ACKR4: variants seen among roughly 807,000 people sequenced by gnomAD.
ACKR4 encodes the protein C-C CKR-11.
In ACKR4, 2 loss-of-function variants were observed where a neutral mutation model predicts 8.5. The observed-to-expected ratio is 0.23, with a 90% CI of 0.10 to 0.74. The LOEUF is 0.74. ACKR4 is among the 30% of genes least tolerant of loss of function. The pLI is 0.75. For missense variants in ACKR4, 167 were observed against 422.1 expected (o/e 0.40, Z 5.30); for synonymous variants, 67 against 145.0 (o/e 0.46, Z 3.86).
At chr3:132,599,800 T>C (rs1271064392) in intron 1 of ACKR4, among the ~76,000 whole-genome samples, 5 of 152,172 alleles carry the variant, frequency 3.3e-5, no homozygotes, top group African/African-American at 9.6e-5. Context: ...TGGAGGGAAG[T>C]TGGCTAAAGG....
chr3:132,597,584 C>T (rs1448776607), intron 1 of ACKR4, among the ~76,000 whole-genome samples: 1 of 151,844 alleles, frequency 6.6e-6, no homozygotes, highest in East Asian at 1.9e-4. Context: ...TTTTATTATA[C>T]CACTTTTTTT....
chr3:132,599,924 T>TG (rs1938493281), intron 1 of ACKR4, among the ~76,000 whole-genome samples: 1 of 152,186 alleles, frequency 6.6e-6, no homozygotes, highest in Non-Finnish European at 1.5e-5. Flanking sequence ...ATAAATTTAA[T>TG]TTAAATAAAC....
At position 132,600,795 on chromosome 3, in the gene ACKR4, T is replaced by C; in HGVS notation, c.398T>C (p.Ile133Thr). Residue 133 changes from isoleucine to threonine, a missense_variant, in exon 2 of 2, where the codon ATC becomes ACC. By Grantham distance (89) the Ile-to-Thr change is moderately conservative. Coordinates refer to ENST00000249887, the MANE Select transcript of ACKR4 (RefSeq NM_016557.4). Reference protein sequence around the residue: ...FVSGMQFLACISIDRYVAVTK... With the variant: ...FVSGMQFLACTSIDRYVAVTK... ...TCTGGAATGCAGTTTCTGGCTTGTA[T>C]CAGCATAGACAGATATGTGGCAGTA... is the stretch of plus-strand genomic sequence containing the variant. 1 of 1,614,036 alleles carries C rather than the reference T, an allele frequency of 6.2e-7. No homozygotes were observed. Among genetic ancestry groups the C allele is most frequent in the Non-Finnish European group, 8.5e-7 (1 of 1,179,866 alleles).
At chr3:132,599,155 A>G (rs560434213) in intron 1 of ACKR4, among the ~76,000 whole-genome samples, 1 of 152,258 alleles carries the variant, frequency 6.6e-6, no homozygotes, top group Admixed American at 6.5e-5. Context: ...TCTATCAAAA[A>G]TACAAAAAGT....
At position 132,602,229 on chromosome 3, in the gene ACKR4, T is replaced by C. The variant is rs1576579896; in HGVS notation, c.*779T>C. The C allele has an allele frequency of 6.0e-6, 1 of 166,994 alleles. No homozygotes were observed. Among genetic ancestry groups the C allele is most frequent in the African/African-American group, 2.4e-5 (1 of 41,446 alleles). The allele number at this position is 166,994 out of a possible 1,614,324, so 10.3% of individuals were successfully genotyped here. On this transcript the variant is annotated 3_prime_UTR_variant, in exon 2 of 2. Transcript: ENST00000249887. Reference sequence around the variant, plus strand: ...AAACTATAATAAGCTTTTCTGATTCTTTTCAAAACATTCCTGGTAAGTTCC... The same window carrying C: ...AAACTATAATAAGCTTTTCTGATTCCTTTCAAAACATTCCTGGTAAGTTCC...
chr3:132,599,554 G>C (rs2107818691), intron 1 of ACKR4, among the ~76,000 whole-genome samples: 1 of 152,058 alleles, frequency 6.6e-6, no homozygotes, highest in South Asian at 2.1e-4. Flanking sequence ...TATTGCAGTA[G>C]GCTAGGTGAG....
rs1938642089 is a variant in ACKR4 at position 132,602,271 on chromosome 3, T to C, written c.*821T>C. On this transcript the variant is annotated 3_prime_UTR_variant, in exon 2 of 2. Coordinates refer to ENST00000249887, the MANE Select transcript of ACKR4 (RefSeq NM_016557.4). ...GTAAGTTCCTAAAGACATAATTTGC[T>C]TCTATGATGTCAACTTTCTTACTAA... 6.0e-6 allele frequency: 1 copy of C among 167,044 alleles called. No homozygotes were observed. The highest frequency in any genetic ancestry group is 1.5e-5 in the Non-Finnish European group (1 of 68,110). 10.3% of individuals were successfully genotyped at this position (167,044 alleles called of 1,614,324 possible). A position where few individuals can be genotyped will look rare whatever the true frequency, so the allele number is the denominator to read the frequency against.
At position 132,601,908 on chromosome 3, in the gene ACKR4, C is replaced by T. The variant is rs949530623; in HGVS notation, c.*458C>T. On this transcript the variant is annotated 3_prime_UTR_variant, in exon 2 of 2. Coordinates refer to ENST00000249887, the MANE Select transcript of ACKR4 (RefSeq NM_016557.4). ...AAGGGTACCCAGGACCACTCTGTACCATCTTTGTAACTTCCTGTGAATTTA... is the reference window on the plus strand; with the variant it reads ...AAGGGTACCCAGGACCACTCTGTACTATCTTTGTAACTTCCTGTGAATTTA... The T allele has an allele frequency of 1.5e-4, 29 of 188,356 alleles. No homozygotes were observed. The highest frequency in any genetic ancestry group is 6.3e-4 in the African/African-American group (26 of 41,284). The allele number at this position is 188,356 out of a possible 1,614,324, so 11.7% of individuals were successfully genotyped here. A position where few individuals can be genotyped will look rare whatever the true frequency, so the allele number is the denominator to read the frequency against.
intron 1 of ACKR4, among the ~76,000 whole-genome samples, chr3:132,598,986 T>C (rs1451148948): frequency 6.6e-6 from 1 of 152,142 alleles, no homozygotes; most frequent in Non-Finnish European, 1.5e-5. Context: ...AAAGGAGGTA[T>C]TGAGGAGGAG....
At chr3:132,599,620 G>A (rs1310594242) in intron 1 of ACKR4, among the ~76,000 whole-genome samples, 5 of 150,456 alleles carry the variant, frequency 3.3e-5, no homozygotes, top group South Asian at 2.1e-4. Context: ...AAGAGGAGAA[G>A]ACAGATTCAA....
intron 1 of ACKR4, among the ~76,000 whole-genome samples, chr3:132,598,294 C>T (rs1938405143): frequency 1.3e-5 from 2 of 152,268 alleles, no homozygotes; most frequent in Non-Finnish European, 2.9e-5. Context: ...CTTAATACTA[C>T]GGGGTGCTAG....
At chr3:132,600,066 T>A (rs1938500651) in intron 1 of ACKR4, among the ~76,000 whole-genome samples, 1 of 152,222 alleles carries the variant, frequency 6.6e-6, no homozygotes, top group Non-Finnish European at 1.5e-5. Flanking sequence ...TTTCATATTT[T>A]AAAAATCATT....
chr3:132,600,825 A>C lies in ACKR4; in HGVS notation c.428A>C (p.Lys143Thr). ...ISIDRYVAVT[K>T]VPSQSGVGKP... ...ATAGACAGATATGTGGCAGTAACTA[A>C]AGTCCCCAGCCAATCAGGAGTGGGA... The change falls in exon 2 of 2, where the codon AAA becomes ACA. Residue 143 changes from lysine to threonine, a missense_variant. Physicochemically the swap from Lys to Thr is moderately conservative, Grantham distance 78 (BLOSUM62 -1). Transcript: ENST00000249887. 1.2e-6 allele frequency: 2 copies of C among 1,614,046 alleles called. No individual in the cohort carries two copies. Among genetic ancestry groups the C allele is most frequent in the Non-Finnish European group, 1.7e-6 (2 of 1,179,876 alleles).
In ACKR4 at chr3:132,601,313, A is replaced by T; in HGVS notation, c.916A>T (p.Met306Leu). The change falls in exon 2 of 2, where the codon ATG becomes TTG. Residue 306 changes from methionine to leucine, a missense_variant. By Grantham distance (15) the Met-to-Leu change is conservative. Coordinates refer to ENST00000249887, the MANE Select transcript of ACKR4 (RefSeq NM_016557.4). ...SCLNPILYVF[M>L]GASFKNYVMK... ...CCTCAACCCAATCCTTTATGTTTTT[A>T]TGGGAGCATCTTTCAAAAACTACGT... 3.1e-6 allele frequency: 5 copies of T among 1,613,786 alleles called. No individual in the cohort carries two copies. Among genetic ancestry groups the T allele is most frequent in the Non-Finnish European group, 4.2e-6 (5 of 1,179,850 alleles).
intron 1 of ACKR4, among the ~76,000 whole-genome samples, chr3:132,597,547 G>C (rs1427532531): frequency 1.3e-5 from 2 of 151,520 alleles, no homozygotes; most frequent in Non-Finnish European, 2.9e-5. Flanking sequence ...TTACTTGTCG[G>C]TAAAACTTTG....
At chr3:132,600,329 A>T in intron 1 of ACKR4, 60 bp from the exon 2 acceptor site, 12 of 1,373,658 alleles carry the variant, frequency 8.7e-6, no homozygotes, top group Non-Finnish European at 1.2e-5. Flanking sequence ...CTTGATAAAA[A>T]CTGTTTCCTT....
chr3:132,599,073 G>T (rs942624090), intron 1 of ACKR4, among the ~76,000 whole-genome samples: 1 of 152,150 alleles, frequency 6.6e-6, no homozygotes, highest in Non-Finnish European at 1.5e-5. Context: ...AACTCTTTGC[G>T]AGGCCAAGGC....
chr3:132,600,460 T>C lies in ACKR4; in HGVS notation c.63T>C (p.Thr21=). The change falls in exon 2 of 2, where the codon ACT becomes ACC. Residue 21 remains threonine, a synonymous_variant. Coordinates refer to ENST00000249887, the MANE Select transcript of ACKR4 (RefSeq NM_016557.4). Reference sequence around the variant, plus strand: ...ATGAGGAAAATGAAATGAATGGCACTTATGACTACAGTCAATATGAACTGA... The same window carrying C: ...ATGAGGAAAATGAAATGAATGGCACCTATGACTACAGTCAATATGAACTGA... ...YYYEENEMNG[T]YDYSQYELIC... 6.2e-7 allele frequency: 1 copy of C among 1,613,106 alleles called. No individual in the cohort carries two copies. Among genetic ancestry groups the C allele is most frequent in the Non-Finnish European group, 8.5e-7 (1 of 1,179,556 alleles).
At chr3:132,597,647 GAC>G (rs778000523) in intron 1 of ACKR4, among the ~76,000 whole-genome samples, 97 of 151,502 alleles carry the variant, frequency 6.4e-4, no homozygotes, top group Middle Eastern at 3.4e-3. Context: ...TAATTATAAA[GAC>G]ACTTAAAAGC....
Sources: allele counts gnomAD v4.1 joint callset (sites outside exome capture counted in the v4.1 genomes callset), GRCh38; gene constraint gnomAD v4.1.1; transcripts MANE v1.5; gene names NCBI Gene and HGNC (gene_info 2026-07-23, HGNC 2026-07-21).